Variants in IFTAP observed in about 807,000 individuals in gnomAD.
IFTAP encodes the protein intraflagellar transport-associated protein.
IFTAP carries 19 observed loss-of-function variants against 19.4 expected under a neutral mutation model. The ratio of observed to expected loss-of-function variants is 0.98; its 90% CI spans 0.68 to 1.44. The LOEUF (loss-of-function observed/expected upper bound fraction) is 1.44. Ranked by LOEUF, IFTAP falls within the 40% of genes most tolerant of loss-of-function variation. IFTAP has a pLI of 0.00. For synonymous variants in IFTAP, 85 were observed against 83.5 expected (o/e 1.02, Z -0.10); for missense variants, 240 against 253.6 (o/e 0.95, Z 0.36).
At chr11:36,647,171 G>A (rs533440375) in intron 4 of IFTAP, among the ~76,000 whole-genome samples, 233 of 152,128 alleles carry the variant, frequency 1.5e-3, no homozygotes, top group Middle Eastern at 3.4e-3. Context: ...CCTTAATTAG[G>A]ATCATCTTTG....
chr11:36,648,010 C>T lies in IFTAP; in HGVS notation c.359-6C>T, dbSNP rs768622138. Reference sequence around the variant, plus strand: ...AGGCTCAGTTGAAATGTTTTGTATCCAACAGATTTGCTGCTGCTTCCAGGA... The same window carrying T: ...AGGCTCAGTTGAAATGTTTTGTATCTAACAGATTTGCTGCTGCTTCCAGGA... On this transcript the variant is annotated splice_polypyrimidine_tract_variant and splice_region_variant and intron_variant, in intron 4 of 5. Coordinates refer to ENST00000334307, the MANE Select transcript of IFTAP (RefSeq NM_138787.4). The T allele has an allele frequency of 6.2e-7, 1 of 1,611,524 alleles. No individual in the cohort carries two copies. The highest frequency in any genetic ancestry group is 8.5e-7 in the Non-Finnish European group (1 of 1,178,626).
chr11:36,636,900 TG>T (rs1226285992), intron 4 of IFTAP, among the ~76,000 whole-genome samples: 1 of 151,530 alleles, frequency 6.6e-6, no homozygotes, highest in Non-Finnish European at 1.5e-5. Context: ...GAAGGATGTT[TG>T]AAATATGTTC....
rs1362874011 is a variant in IFTAP at position 36,596,218 on chromosome 11, TTTTG to T, written c.-24+1630_-24+1633del. 8.4e-3 allele frequency among the ~76,000 whole-genome samples: 1,165 copies of T among 138,192 alleles called. 7 individuals are homozygous for T. Among genetic ancestry groups the T allele is most frequent in the East Asian group, 0.024 (88 of 3,690 alleles). 90.7% of individuals were successfully genotyped at this position (138,192 alleles called of 152,430 possible). A position where few individuals can be genotyped will look rare whatever the true frequency, so the allele number is the denominator to read the frequency against. ...CTCTAATGAGATGGTAGTGTTTTTT[TTTTG>T]TTTTTTTTTTTTTTTGCTTTAAAGA... On this transcript the variant is annotated intron_variant, in intron 1 of 5. Coordinates refer to ENST00000334307, the MANE Select transcript of IFTAP (RefSeq NM_138787.4).
chr11:36,622,841 C>T (rs1431774437), intron 2 of IFTAP, among the ~76,000 whole-genome samples: 1 of 152,064 alleles, frequency 6.6e-6, no homozygotes. Context: ...GTTGTTTATA[C>T]CCCATTTCTT....
chr11:36,654,176 G>A (rs1853868608), intron 5 of IFTAP, among the ~76,000 whole-genome samples: 1 of 152,028 alleles, frequency 6.6e-6, no homozygotes, highest in African/African-American at 2.4e-5. Flanking sequence ...CAGAATGAAG[G>A]CGTCAATTGC....
intron 1 of IFTAP, among the ~76,000 whole-genome samples, chr11:36,599,584 A>G (rs1399802370): frequency 6.6e-6 from 1 of 152,206 alleles, no homozygotes; most frequent in African/African-American, 2.4e-5. Context: ...TATTACCTAA[A>G]TATATTTGCA....
chr11:36,644,609 A>T (rs373626277), intron 4 of IFTAP, among the ~76,000 whole-genome samples: 2 of 152,104 alleles, frequency 1.3e-5, no homozygotes, highest in African/African-American at 4.8e-5. Context: ...CAAATGTCCA[A>T]CAATGATAGA....
intron 2 of IFTAP, among the ~76,000 whole-genome samples, chr11:36,612,946 A>G (rs1458529087): frequency 1.3e-5 from 2 of 152,060 alleles, no homozygotes; most frequent in African/African-American, 4.8e-5. Flanking sequence ...ATTTATGTTG[A>G]TTACGTTTTG....
At chr11:36,611,684 A>G (rs1313973134) in intron 2 of IFTAP, among the ~76,000 whole-genome samples, 1 of 152,150 alleles carries the variant, frequency 6.6e-6, no homozygotes, top group Non-Finnish European at 1.5e-5. Flanking sequence ...AACAAAAAAC[A>G]TAGATGTGGT....
intron 2 of IFTAP, among the ~76,000 whole-genome samples, chr11:36,611,552 T>G (rs1282550197): frequency 1.3e-5 from 2 of 152,138 alleles, no homozygotes; most frequent in Admixed American, 6.6e-5. Context: ...AAGGAAATTA[T>G]AGTTATAATG....
At chr11:36,635,231 G>C (rs1852897261) in intron 3 of IFTAP, among the ~76,000 whole-genome samples, 1 of 152,134 alleles carries the variant, frequency 6.6e-6, no homozygotes, top group Non-Finnish European at 1.5e-5. Flanking sequence ...TAGGTCATGA[G>C]CATAAAAGGC....
rs1272076372 is a variant in IFTAP, at chr11:36,610,314, C to T, written c.136+75C>T. ...TTATAAGTGTATGTTTTTGCTGCCT[C>T]TTGAGAAAGACTATTTAGTGAACAT... On this transcript the variant is annotated intron_variant, in intron 2 of 5. Transcript: ENST00000334307. 6 of 1,341,368 alleles carry T rather than the reference C, an allele frequency of 4.5e-6. No individual in the cohort carries two copies. The Admixed American group carries it at 1.4e-4, about 31-fold the overall frequency. The allele number at this position is 1,341,368 out of a possible 1,614,324, so 83.1% of individuals were successfully genotyped here. A position where few individuals can be genotyped will look rare whatever the true frequency, so the allele number is the denominator to read the frequency against.
intron 4 of IFTAP, among the ~76,000 whole-genome samples, chr11:36,641,250 T>C (rs1184159962): frequency 6.6e-6 from 1 of 152,152 alleles, no homozygotes; most frequent in African/African-American, 2.4e-5. Flanking sequence ...TTTCTATTTT[T>C]AGAAAATAGA....
intron 3 of IFTAP, among the ~76,000 whole-genome samples, chr11:36,634,256 A>G (rs545623254): frequency 1.6e-4 from 24 of 152,274 alleles, no homozygotes; most frequent in African/African-American, 5.8e-4. Flanking sequence ...GTTGAATGAC[A>G]TTGTTTTCTA....
At chr11:36,634,031 T>G (rs1405212021) in intron 3 of IFTAP, among the ~76,000 whole-genome samples, 1 of 152,158 alleles carries the variant, frequency 6.6e-6, no homozygotes, top group Non-Finnish European at 1.5e-5. Flanking sequence ...TGGACAGAAT[T>G]GTATATTGTG....
intron 5 of IFTAP, among the ~76,000 whole-genome samples, chr11:36,656,650 G>A (rs544342063): frequency 7.2e-5 from 11 of 151,946 alleles, no homozygotes; most frequent in African/African-American, 2.2e-4. Context: ...TTCCTCTATT[G>A]GAGAGCAAAG....
chr11:36,652,641 G>C (rs572732406), intron 5 of IFTAP, among the ~76,000 whole-genome samples: 75 of 152,244 alleles, frequency 4.9e-4, no homozygotes, highest in African/African-American at 1.5e-3. Flanking sequence ...AGTTTTCAAA[G>C]GGAACGCTTC....
chr11:36,603,143 A>G (rs1851569393), intron 1 of IFTAP, among the ~76,000 whole-genome samples: 1 of 152,208 alleles, frequency 6.6e-6, no homozygotes, highest in South Asian at 2.1e-4. Flanking sequence ...ACTTGGGGAA[A>G]TAAAATGGGT....
chr11:36,608,042 A>G (rs1207757221), intron 1 of IFTAP, among the ~76,000 whole-genome samples: 1 of 152,220 alleles, frequency 6.6e-6, no homozygotes, highest in Admixed American at 6.5e-5. Context: ...GGCTGTGACT[A>G]TACAGCTATT....
Sources: allele counts gnomAD v4.1 joint callset (sites outside exome capture counted in the v4.1 genomes callset), GRCh38; gene constraint gnomAD v4.1.1; transcripts MANE v1.5; gene names NCBI Gene and HGNC (gene_info 2026-07-23, HGNC 2026-07-21).